The following SPAG16 variants were observed in gnomAD, a reference collection of about 807,000 sequenced individuals.
The protein encoded by SPAG16 is sperm associated antigen 16.
A neutral mutation model predicts 80.4 loss-of-function variants in SPAG16; 86 were observed. The observed-to-expected ratio is 1.07, with a 90% confidence interval of 0.90 to 1.28. SPAG16 has a LOEUF of 1.28. SPAG16 is among the 50% of genes most tolerant of loss of function. SPAG16 has a pLI of 0.00. For synonymous variants in SPAG16, 294 were observed against 265.9 expected, an observed-to-expected ratio of 1.11 and a Z score of -1.03; for missense variants, 870 against 765.3, an observed-to-expected ratio of 1.14 and a Z score of -1.61.
rs76691016 is a variant in SPAG16 at position 214,332,714 on chromosome 2, C to A, written c.1721-77426C>A. On this transcript the variant is annotated intron_variant, in intron 15 of 15. Transcript: ENST00000331683. ...TAGTTAAATGGGGATATTATGGAGACTACCACGCTCCATCTTTTTATCTTT... is the reference window on the plus strand; with the variant it reads ...TAGTTAAATGGGGATATTATGGAGAATACCACGCTCCATCTTTTTATCTTT... Among the ~76,000 whole-genome samples the A allele has an allele frequency of 2.3e-3, 356 of 152,272 alleles. 5 individuals carry two copies. Among genetic ancestry groups the A allele is most frequent in the East Asian group, 0.015 (78 of 5,166 alleles).
intron 9 of SPAG16, among the ~76,000 whole-genome samples, chr2:213,469,632 G>C: frequency 6.8e-6 from 1 of 147,694 alleles, no homozygotes; most frequent in Non-Finnish European, 1.5e-5. Flanking sequence ...TTCCTGAAGG[G>C]TCTGGGTCAT....
At chr2:214,046,413 G>A (rs550866068) in intron 13 of SPAG16, among the ~76,000 whole-genome samples, 20 of 152,242 alleles carry the variant, frequency 1.3e-4, no homozygotes, top group African/African-American at 4.8e-4. Context: ...GAAAGTACAA[G>A]TCAATGTCAC....
At chr2:213,442,343 C>A (rs1343738304) in intron 9 of SPAG16, among the ~76,000 whole-genome samples, 1 of 152,160 alleles carries the variant, frequency 6.6e-6, no homozygotes, top group Non-Finnish European at 1.5e-5. Flanking sequence ...GATGTTAGTT[C>A]TTTCCAACTT....
intron 10 of SPAG16, among the ~76,000 whole-genome samples, chr2:213,702,603 T>C (rs756173153): frequency 6.6e-6 from 1 of 152,192 alleles, no homozygotes; most frequent in South Asian, 2.1e-4. Flanking sequence ...TTCATCTTTG[T>C]ATAGTCTTTT....
chr2:213,350,290 T>C (rs924806820), intron 6 of SPAG16, among the ~76,000 whole-genome samples: 6 of 152,158 alleles, frequency 3.9e-5, no homozygotes, highest in Non-Finnish European at 8.8e-5. Flanking sequence ...AAGGTGCTAG[T>C]AGGAAATAGA....
Position 213,765,474 on chromosome 2 carries a change from A to G in SPAG16, c.1071-97011A>G, listed in dbSNP as rs545219426. ...GATAGAAAAAGCAAGCAGATTCCCA[A>G]TTATGGAATGCCTTCTATGTCCTCT... On this transcript the variant is annotated intron_variant, in intron 10 of 15. Transcript: ENST00000331683. 7.9e-5 allele frequency among the ~76,000 whole-genome samples: 12 copies of G among 152,342 alleles called. No individual in the cohort carries two copies. In the South Asian group the frequency reaches 1.2e-3, roughly 16 times the overall value.
At chr2:213,720,838 C>T (rs763465411) in intron 10 of SPAG16, among the ~76,000 whole-genome samples, 2 of 143,170 alleles carry the variant, frequency 1.4e-5, no homozygotes, top group Non-Finnish European at 3.0e-5. Context: ...CTCCGCCTCC[C>T]GGGTTCAAGC....
intron 14 of SPAG16, among the ~76,000 whole-genome samples, chr2:214,124,799 G>T (rs2054396993): frequency 6.6e-6 from 1 of 151,778 alleles, no homozygotes; most frequent in Admixed American, 6.7e-5. Flanking sequence ...AAGTGGCTCT[G>T]CAGGGAAACT....
At position 213,340,246 on chromosome 2, in the gene SPAG16, A is replaced by G. The variant is rs752382481; in HGVS notation, c.620A>G (p.Asn207Ser). The G allele has an allele frequency of 6.2e-7, 1 of 1,610,164 alleles. No individual in the cohort carries two copies. The highest frequency in any genetic ancestry group is 1.7e-5 in the Admixed American group (1 of 59,578). Residue 207 changes from asparagine (N) to serine (S), a missense_variant, in exon 6 of 16, where the codon AAC (asparagine) becomes AGC (serine). Asn to Ser is a conservative substitution (Grantham distance 46). Transcript: ENST00000331683. ...CATAAGCGAATAGTCCAGGAAAAAAACAAATTAATTAATGACCTCAAAGGG... is the reference window on the plus strand; with the variant it reads ...CATAAGCGAATAGTCCAGGAAAAAAGCAAATTAATTAATGACCTCAAAGGG... ...MHHKRIVQEKNKLINDLKGLK... is the reference protein window; with the variant it reads ...MHHKRIVQEKSKLINDLKGLK...
chr2:214,199,360 G>T (rs1177319259), intron 15 of SPAG16, among the ~76,000 whole-genome samples: 1 of 152,028 alleles, frequency 6.6e-6, no homozygotes, highest in East Asian at 1.9e-4. Context: ...TGAACAGGGT[G>T]TCCTTTCCCC....
intron 12 of SPAG16, among the ~76,000 whole-genome samples, chr2:213,939,075 G>T (rs2079100989): frequency 6.6e-6 from 1 of 152,092 alleles, no homozygotes; most frequent in African/African-American, 2.4e-5. Flanking sequence ...TCTAGAATGA[G>T]CCATGAGGGA....
intron 10 of SPAG16, among the ~76,000 whole-genome samples, chr2:213,802,337 C>G (rs1279883229): frequency 6.6e-6 from 1 of 152,090 alleles, no homozygotes; most frequent in Non-Finnish European, 1.5e-5. Context: ...AGCCCTCCAT[C>G]TGATTAACAG....
intron 13 of SPAG16, among the ~76,000 whole-genome samples, chr2:214,038,620 C>T (rs1559721436): frequency 6.6e-6 from 1 of 151,676 alleles, no homozygotes; most frequent in Non-Finnish European, 1.5e-5. Flanking sequence ...TATACATGTG[C>T]CATGTTGGTG....
At chr2:214,315,533 ATTTATTTATTT>A (rs1396368240) in intron 15 of SPAG16, among the ~76,000 whole-genome samples, 1 of 134,488 alleles carries the variant, frequency 7.4e-6, no homozygotes, top group East Asian at 2.0e-4. Flanking sequence ...TTATTTATTT[ATTTATTTATTT>A]ATTTTGAAAC....
At chr2:213,598,934 T>G (rs1488688338) in intron 10 of SPAG16, among the ~76,000 whole-genome samples, 1 of 152,202 alleles carries the variant, frequency 6.6e-6, no homozygotes, top group African/African-American at 2.4e-5. Context: ...ATATGAAATA[T>G]TTGACTCAGA....
rs530482335 is a variant in SPAG16, at chr2:214,310,238, CTG to C, written c.1721-99900_1721-99899del. Among the ~76,000 whole-genome samples the C allele has an allele frequency of 5.1e-3, 777 of 151,196 alleles. 5 individuals are homozygous for C. Among genetic ancestry groups the C allele is most frequent in the African/African-American group, 0.018 (731 of 41,180 alleles). ...ATTTTTTCCTCCCTTGAAGGTGTGA[CTG>C]TAGTACATATTTTGTATGATCATTT... On this transcript the variant is annotated intron_variant, in intron 15 of 15. Transcript: ENST00000331683.
At chr2:213,307,923 C>G (rs1009077515) in intron 3 of SPAG16, among the ~76,000 whole-genome samples, 1 of 152,170 alleles carries the variant, frequency 6.6e-6, no homozygotes, top group Non-Finnish European at 1.5e-5. Context: ...AGCAAAGATC[C>G]TCTTTCCTCA....
intron 10 of SPAG16, among the ~76,000 whole-genome samples, chr2:213,533,750 A>C (rs931264361): frequency 3.9e-5 from 6 of 152,142 alleles, no homozygotes; most frequent in African/African-American, 1.4e-4. Flanking sequence ...AAGAAATAAT[A>C]TCTATATAAT....
intron 12 of SPAG16, among the ~76,000 whole-genome samples, chr2:213,995,459 T>G (rs2046472047): frequency 6.6e-6 from 1 of 152,242 alleles, no homozygotes; most frequent in Non-Finnish European, 1.5e-5. Context: ...AAATATGTGA[T>G]GAATACATGT....
Sources: allele counts gnomAD v4.1 joint callset (sites outside exome capture counted in the v4.1 genomes callset), GRCh38; gene constraint gnomAD v4.1.1; transcripts MANE v1.5; gene names NCBI Gene and HGNC (gene_info 2026-07-23, HGNC 2026-07-21).